SSH2: variants seen among roughly 807,000 people sequenced by gnomAD.
SSH2 encodes slingshot protein phosphatase 2, also known as protein phosphatase Slingshot homolog 2.
SSH2 carries 37 observed loss-of-function variants against 135.2 expected under a neutral mutation model. The ratio of observed to expected loss-of-function variants is 0.27; its 90% CI spans 0.21 to 0.36. SSH2 has a LOEUF of 0.36. SSH2 is among the 10% of genes least tolerant of loss of function. The pLI, the probability that SSH2 is intolerant of heterozygous loss-of-function variation, is 1.00. For synonymous variants in SSH2, 628 were observed against 646.2 expected (o/e 0.97, Z 0.43); for missense variants, 1,408 against 1,765.3 (o/e 0.80, Z 3.63).
intron 3 of SSH2, among the ~76,000 whole-genome samples, chr17:29,783,660 A>G (rs915008121): frequency 3.3e-5 from 5 of 152,292 alleles, no homozygotes; most frequent in Admixed American, 6.5e-5. Context: ...ACCCAGGATC[A>G]ATACTTTGTA....
intron 6 of SSH2, among the ~76,000 whole-genome samples, chr17:29,681,240 C>A (rs1371807310): frequency 1.5e-5 from 2 of 135,800 alleles, no homozygotes; most frequent in East Asian, 2.3e-4. Context: ...GAGGCTGAGG[C>A]AGGAGAATCG....
In SSH2 at chr17:29,797,637, C is replaced by A. The variant is rs539544240; in HGVS notation, c.145-3700G>T. ...ATTAGCCAGACATGGTGGTTCATGTCTGTCATCCCAGCACTTTGGGAGGCT... is the reference window on the plus strand; with the variant it reads ...ATTAGCCAGACATGGTGGTTCATGTATGTCATCCCAGCACTTTGGGAGGCT... On this transcript the variant is annotated intron_variant, in intron 2 of 15. Transcript: ENST00000540801. Among the ~76,000 whole-genome samples, 119 of 152,290 alleles carry A rather than the reference C, an allele frequency of 7.8e-4. No homozygotes were observed. The Middle Eastern group carries it at 0.01, about 13-fold the overall frequency.
intron 1 of SSH2, among the ~76,000 whole-genome samples, chr17:29,850,782 A>T (rs1005082291): frequency 3.9e-5 from 6 of 152,120 alleles, no homozygotes; most frequent in Non-Finnish European, 8.8e-5. Context: ...TCAGGAGATC[A>T]AGACCATCCT....
intron 1 of SSH2, among the ~76,000 whole-genome samples, chr17:29,889,620 T>C (rs2066309518): frequency 1.3e-5 from 2 of 151,476 alleles, no homozygotes; most frequent in Non-Finnish European, 2.9e-5. Context: ...GAGTACACCA[T>C]AAAGAAAGAA....
At chr17:29,728,196 A>G (rs1285692616) in intron 3 of SSH2, among the ~76,000 whole-genome samples, 1 of 152,240 alleles carries the variant, frequency 6.6e-6, no homozygotes, top group Non-Finnish European at 1.5e-5. Flanking sequence ...ACTGATAAAC[A>G]AATTCAGTAA....
intron 1 of SSH2, among the ~76,000 whole-genome samples, chr17:29,906,445 A>C (rs2066655517): frequency 3.3e-5 from 5 of 152,248 alleles, no homozygotes. Flanking sequence ...TTCAGGATAT[A>C]GGCATGGACA....
chr17:29,655,451 T>C (rs2036744635), intron 12 of SSH2, 110 bp downstream of exon 12: 4 of 1,019,206 alleles, frequency 3.9e-6, no homozygotes, highest in East Asian at 2.4e-5. Context: ...ATCAGTCAGA[T>C]GCAACTCTTA....
At chr17:29,713,376 C>A (rs1437993581) in intron 3 of SSH2, among the ~76,000 whole-genome samples, 1 of 152,066 alleles carries the variant, frequency 6.6e-6, no homozygotes, top group Non-Finnish European at 1.5e-5. Context: ...GAAAACGCCA[C>A]TGGTCAGTCC....
intron 3 of SSH2, among the ~76,000 whole-genome samples, chr17:29,730,451 T>C (rs2040143180): frequency 6.6e-6 from 1 of 150,742 alleles, no homozygotes; most frequent in South Asian, 2.1e-4. Context: ...TTTTTTTTTT[T>C]TGGAGACAAG....
At chr17:29,667,312 T>G (rs1315625420) in intron 9 of SSH2, 89 bp from the exon 10 acceptor site, 71 of 1,023,402 alleles carry the variant, frequency 6.9e-5, no homozygotes, top group Non-Finnish European at 8.3e-5. Flanking sequence ...TGATCCTGTC[T>G]TCTTCAATAA....
chr17:29,657,343 C>A (rs1169634501), intron 11 of SSH2, among the ~76,000 whole-genome samples: 1 of 151,402 alleles, frequency 6.6e-6, no homozygotes, highest in Non-Finnish European at 1.5e-5. Flanking sequence ...AATCTCGGCT[C>A]ACTGCAACCT....
At chr17:29,922,608 A>C (rs769438536) in intron 1 of SSH2, among the ~76,000 whole-genome samples, 7 of 152,248 alleles carry the variant, frequency 4.6e-5, no homozygotes, top group Non-Finnish European at 7.3e-5. Context: ...AAATCAAACC[A>C]ACTAGGTACT....
rs2066804382 is a variant in SSH2 at position 29,913,343 on chromosome 17, A to ATTATAT, written c.63+16594_63+16595insATATAA. 1.3e-3 allele frequency among the ~76,000 whole-genome samples: 55 copies of ATTATAT among 43,444 alleles called. 1 individual carries two copies. The highest frequency in any genetic ancestry group is 3.5e-3 in the African/African-American group (53 of 15,144). The allele number at this position is 43,444 out of a possible 152,430, so 28.5% of individuals were successfully genotyped here. A position where few individuals can be genotyped will look rare whatever the true frequency, so the allele number is the denominator to read the frequency against. ...AAAAAAAAAAAAAAAAAAAAAAAAA[A>ATTATAT]AAAAATATATATATATATATATATA... is the stretch of plus-strand genomic sequence containing the variant. On this transcript the variant is annotated intron_variant, in intron 1 of 15. Transcript: ENST00000540801.
At position 29,760,451 on chromosome 17, in the gene SSH2, C is replaced by T. The variant is rs538046381; in HGVS notation, c.188+33443G>A. On this transcript the variant is annotated intron_variant, in intron 3 of 15. Coordinates refer to ENST00000540801, the MANE Select transcript of SSH2 (RefSeq NM_001282129.2). ...TTGATAACTGTGAAGTGATATTAAC[C>T]ACAAGCTTCAGCACACACACTTCTC... Among the ~76,000 whole-genome samples, 6 of 152,232 alleles carry T rather than the reference C, an allele frequency of 3.9e-5. 1 individual carries two copies. In the Middle Eastern group the frequency reaches 0.01, roughly 259 times the overall value.
intron 1 of SSH2, among the ~76,000 whole-genome samples, chr17:29,915,454 TA>T (rs551761312): frequency 1.3e-5 from 2 of 152,058 alleles, no homozygotes; most frequent in Admixed American, 6.6e-5. Flanking sequence ...CTCCATATTT[TA>T]AAAAAAATCT....
chr17:29,903,887 AC>A (rs2066605791), intron 1 of SSH2, among the ~76,000 whole-genome samples: 2 of 152,344 alleles, frequency 1.3e-5, no homozygotes, highest in South Asian at 4.1e-4. Flanking sequence ...AAGATGCTAA[AC>A]AAATGTTGCA....
At chr17:29,744,285 C>T (rs1052786998) in intron 3 of SSH2, among the ~76,000 whole-genome samples, 7 of 152,030 alleles carry the variant, frequency 4.6e-5, no homozygotes, top group East Asian at 3.9e-4. Flanking sequence ...GAGGTGGGAG[C>T]GGCTGAGTCC....
intron 2 of SSH2, among the ~76,000 whole-genome samples, chr17:29,841,523 C>T (rs1244113108): frequency 1.3e-5 from 2 of 152,130 alleles, no homozygotes; most frequent in African/African-American, 2.4e-5. Context: ...CAAGGAATTT[C>T]ACTGAATAGA....
Position 29,631,038 on chromosome 17 carries a change from G to C in SSH2, c.4156C>G (p.Pro1386Ala), listed in dbSNP as rs778135819. The change falls in exon 16 of 16, where the codon CCC becomes GCC. Residue 1386 changes from proline (P) to alanine (A), a missense_variant. Transcript: ENST00000540801. The stretch of plus-strand genomic sequence containing the variant: ...CTAGTCAATTCAAGTCCTGCCCTGG[G>C]GAGCAAATACTGCTGACTAGAACCA... ...EFGSSQQYLL[P>A]RAGLELTSSE... 5.0e-6 allele frequency: 8 copies of C among 1,614,060 alleles called. No individual in the cohort carries two copies. The East Asian group carries it at 1.8e-4, about 36-fold the overall frequency.
Sources: gnomAD v4.1 joint callset for allele counts (sites outside exome capture counted in the v4.1 genomes callset) on GRCh38, gnomAD v4.1.1 for gene constraint, MANE v1.5 for transcripts, NCBI Gene and HGNC (gene_info 2026-07-23, HGNC 2026-07-21) for gene names.